Variants in PPP4R1 observed in about 807,000 individuals in gnomAD.
PPP4R1 encodes the protein protein phosphatase 4 regulatory subunit 1.
PPP4R1 carries 42 observed loss-of-function variants against 111.2 expected under a neutral mutation model. The observed-to-expected ratio is 0.38, with a 90% CI of 0.29 to 0.49. The LOEUF is 0.49. Ranked by LOEUF, PPP4R1 falls within the 20% of genes least tolerant of loss-of-function variation. PPP4R1 has a pLI of 0.97. For missense variants in PPP4R1, 1,012 were observed against 1,161.6 expected (o/e 0.87, Z 1.87); for synonymous variants, 409 against 405.5 (o/e 1.01, Z -0.10).
Position 9,547,828 on chromosome 18 carries a change from G to C in PPP4R1, c.2814C>G (p.Ile938Met). The part of the protein sequence containing the change: ...FASIHPASTK[I>M]SEDAMSTASS... ...ACGCTGTGCTCATGGCATCTTCGGAGATTTTGGTACTGGCAGGGTGGATGC... is the reference window on the plus strand; with the variant it reads ...ACGCTGTGCTCATGGCATCTTCGGACATTTTGGTACTGGCAGGGTGGATGC... The change falls in exon 20 of 20, where the codon ATC (isoleucine) becomes ATG (methionine). Residue 938 changes from isoleucine to methionine, a missense_variant. This residue lies in a region of PPP4R1 where 305 missense variants were observed against 419.5 expected (regional missense o/e 0.73). Coordinates refer to ENST00000400556, the MANE Select transcript of PPP4R1 (RefSeq NM_001042388.3). The C allele has an allele frequency of 1.9e-6, 3 of 1,613,506 alleles. No individual in the cohort carries two copies. The highest frequency in any genetic ancestry group is 1.1e-5 in the South Asian group (1 of 91,044).
intron 10 of PPP4R1, among the ~76,000 whole-genome samples, chr18:9,574,350 A>T (rs1598917715): frequency 6.6e-6 from 1 of 152,344 alleles, no homozygotes; most frequent in Non-Finnish European, 1.5e-5. Context: ...GGAGAAAATG[A>T]CTTGTAGAAC....
chr18:9,598,460 T>C lies in PPP4R1; in HGVS notation c.53-3307A>G, dbSNP rs2067326260. Among the ~76,000 whole-genome samples, 3 of 152,168 alleles carry C rather than the reference T, an allele frequency of 2.0e-5. No individual in the cohort carries two copies. In the South Asian group the frequency reaches 6.2e-4, roughly 32 times the overall value. ...TGTTACATAGAGAAAAACAAAAGAA[T>C]GATAGGAGACTTTTCCATCTAAAAT... On this transcript the variant is annotated intron_variant, in intron 2 of 19. Transcript: ENST00000400556.
intron 9 of PPP4R1, among the ~76,000 whole-genome samples, chr18:9,579,517 C>CGAGT (rs1555671542): frequency 1.4e-5 from 2 of 147,770 alleles, no homozygotes; most frequent in Non-Finnish European, 3.0e-5. Flanking sequence ...AGGATTTACA[C>CGAGT]GTGTGTGTGT....
chr18:9,584,193 TTAATA>T (rs1340985291), intron 8 of PPP4R1, among the ~76,000 whole-genome samples: 1 of 152,206 alleles, frequency 6.6e-6, no homozygotes, highest in Admixed American at 6.6e-5. Context: ...TGCTATAGAT[TTAATA>T]TGTCATCAAC....
At chr18:9,586,861 C>G (rs1340494113) in intron 6 of PPP4R1, among the ~76,000 whole-genome samples, 1 of 152,168 alleles carries the variant, frequency 6.6e-6, no homozygotes, top group Non-Finnish European at 1.5e-5. Context: ...ACAGATACTA[C>G]TCTATACTAA....
intron 19 of PPP4R1, 82 bp downstream of exon 19, chr18:9,549,115 T>TG: frequency 6.7e-7 from 1 of 1,495,858 alleles, no homozygotes; most frequent in Middle Eastern, 1.7e-4. Flanking sequence ...ACAATACTTC[T>TG]GCTTTGATAT....
chr18:9,606,253 G>T (rs1568129425), intron 2 of PPP4R1, among the ~76,000 whole-genome samples: 5 of 152,196 alleles, frequency 3.3e-5, no homozygotes, highest in Admixed American at 1.3e-4. Flanking sequence ...TTATAGCACA[G>T]TGAAGGGGTT....
chr18:9,580,639 C>T (rs1172606372), intron 9 of PPP4R1, among the ~76,000 whole-genome samples: 4 of 152,118 alleles, frequency 2.6e-5, no homozygotes, highest in Non-Finnish European at 5.9e-5. Context: ...TGCGAGCCAC[C>T]GCGCCCAGCT....
At chr18:9,556,639 G>T (rs576079349) in intron 15 of PPP4R1, among the ~76,000 whole-genome samples, 2 of 152,284 alleles carry the variant, frequency 1.3e-5, no homozygotes, top group East Asian at 3.9e-4. Flanking sequence ...ATTCACTTTG[G>T]AGACCACAGC....
chr18:9,548,984 A>T (rs187963895), intron 19 of PPP4R1, among the ~76,000 whole-genome samples: 252 of 152,392 alleles, frequency 1.7e-3, no homozygotes, highest in African/African-American at 5.8e-3. Context: ...TCCGATAAAT[A>T]AACTCCAACT....
chr18:9,578,691 T>TA (rs2066977892), intron 9 of PPP4R1, among the ~76,000 whole-genome samples: 2 of 152,238 alleles, frequency 1.3e-5, no homozygotes, highest in East Asian at 1.9e-4. Context: ...GAAGCATACA[T>TA]AAAAAATGAC....
intron 15 of PPP4R1, 43 bp downstream of exon 15, chr18:9,557,178 C>A (rs1272469248): frequency 2.0e-6 from 3 of 1,499,518 alleles, no homozygotes; most frequent in African/African-American, 2.8e-5. Flanking sequence ...TAGATTACGG[C>A]AGAATTTTGT....
At chr18:9,610,936 C>G (rs1441775233) in intron 2 of PPP4R1, among the ~76,000 whole-genome samples, 1 of 151,786 alleles carries the variant, frequency 6.6e-6, no homozygotes, top group African/African-American at 2.4e-5. Context: ...TTTTTTTCCT[C>G]CAAAGGTTAT....
intron 17 of PPP4R1, 31 bp downstream of exon 17, chr18:9,550,247 T>C (rs1025385103): frequency 6.2e-7 from 1 of 1,613,864 alleles, no homozygotes; most frequent in African/African-American, 1.3e-5. Context: ...TAGAGTTTGC[T>C]GATCTAAAAT....
At chr18:9,576,238 AC>A (rs1389562930) in intron 10 of PPP4R1, among the ~76,000 whole-genome samples, 1 of 152,206 alleles carries the variant, frequency 6.6e-6, no homozygotes, top group Non-Finnish European at 1.5e-5. Flanking sequence ...TAGCATCATG[AC>A]AAGGGAGGGA....
At chr18:9,554,018 T>C (rs1281475804) in intron 15 of PPP4R1, among the ~76,000 whole-genome samples, 3 of 152,218 alleles carry the variant, frequency 2.0e-5, no homozygotes, top group African/African-American at 7.2e-5. Flanking sequence ...AAGGACAGAA[T>C]GTGCTAGGAA....
At chr18:9,551,441 C>A (rs1364028811) in intron 16 of PPP4R1, 2 of 152,392 alleles carry the variant, frequency 1.3e-5, no homozygotes, top group Non-Finnish European at 2.9e-5. Context: ...GTGGCTCAAA[C>A]AAAGCCAGAT....
At chr18:9,574,594 T>C (rs1279310239) in intron 10 of PPP4R1, among the ~76,000 whole-genome samples, 2 of 152,176 alleles carry the variant, frequency 1.3e-5, no homozygotes, top group African/African-American at 2.4e-5. Flanking sequence ...GAATAATTCA[T>C]TCAGGATTAA....
chr18:9,548,811 G>T (rs1349493770), intron 19 of PPP4R1, among the ~76,000 whole-genome samples: 1 of 152,160 alleles, frequency 6.6e-6, no homozygotes, highest in Non-Finnish European at 1.5e-5. Flanking sequence ...CCAGCTACTG[G>T]GGAGGCTGAG....
Sources: allele counts gnomAD v4.1 joint callset (sites outside exome capture counted in the v4.1 genomes callset), GRCh38; gene constraint gnomAD v4.1.1; regional missense constraint gnomAD v4.1.1; transcripts MANE v1.5; gene names NCBI Gene and HGNC (gene_info 2026-07-23, HGNC 2026-07-21).